NEO1: variants seen among roughly 807,000 people sequenced by gnomAD.
NEO1 encodes neogenin 1, also known as neogenin.
In NEO1, 63 loss-of-function variants were observed where a neutral mutation model predicts 159.7. The observed-to-expected ratio is 0.39, with a 90% CI of 0.32 to 0.49. The LOEUF (loss-of-function observed/expected upper bound fraction) is 0.49, where lower values mean the gene tolerates loss of function less well. Among genes scored for constraint, NEO1 ranks in the 20% least tolerant of loss-of-function variants. The pLI is 0.85. For synonymous variants in NEO1, 633 were observed against 662.0 expected (o/e 0.96, Z 0.67); for missense variants, 1,615 against 1,831.0 (o/e 0.88, Z 2.15).
rs140586064 is a variant in NEO1 at position 73,173,403 on chromosome 15, T to G, written c.1016-3000T>G. On this transcript the variant is annotated intron_variant, in intron 5 of 28. Coordinates refer to ENST00000261908, the MANE Select transcript of NEO1 (RefSeq NM_002499.4). ...GGCAGATGGATGAAACCAATTAGTG[T>G]CCTGAAATAAACCCCCAAGAGTACG... Among the ~76,000 whole-genome samples, 326 of 152,298 alleles carry G rather than the reference T, an allele frequency of 2.1e-3. 4 individuals carry two copies. The highest frequency in any genetic ancestry group is 7.4e-3 in the African/African-American group (309 of 41,572).
chr15:73,266,188 A>G, intron 15 of NEO1, 128 bp from the exon 16 acceptor site: 1 of 648,880 alleles, frequency 1.5e-6, no homozygotes, highest in South Asian at 2.3e-5. Context: ...ACCTGAAATA[A>G]TCCCCCATAA....
At chr15:73,126,305 A>G in intron 3 of NEO1, 112 bp from the exon 4 acceptor site, 1 of 920,474 alleles carries the variant, frequency 1.1e-6, no homozygotes, top group South Asian at 1.8e-5. Context: ...CCTGGGCTCA[A>G]GCAGTCCTCC....
intron 1 of NEO1, among the ~76,000 whole-genome samples, chr15:73,067,935 A>C (rs2068307180): frequency 6.6e-6 from 1 of 151,916 alleles, no homozygotes; most frequent in South Asian, 2.1e-4. Context: ...ATGATTTTCA[A>C]GCTTGTGTGG....
At chr15:73,165,185 A>T (rs550997300) in intron 5 of NEO1, among the ~76,000 whole-genome samples, 13 of 145,902 alleles carry the variant, frequency 8.9e-5, no homozygotes, top group Non-Finnish European at 1.9e-4. Flanking sequence ...GTGTGTGTGT[A>T]TATGTGATGT....
At chr15:73,166,585 G>T (rs896857192) in intron 5 of NEO1, among the ~76,000 whole-genome samples, 1 of 152,192 alleles carries the variant, frequency 6.6e-6, no homozygotes, top group Non-Finnish European at 1.5e-5. Flanking sequence ...GCAATACATG[G>T]AGGTTATACA....
chr15:73,052,089 G>C (rs967180914), upstream of NEO1: 1 of 150,800 alleles, frequency 6.6e-6, no homozygotes, highest in Non-Finnish European at 1.5e-5. Flanking sequence ...AGGAGGATCC[G>C]CTTCTCCGGG....
intron 5 of NEO1, among the ~76,000 whole-genome samples, chr15:73,152,604 G>A (rs902358989): frequency 6.6e-6 from 1 of 152,332 alleles, no homozygotes; most frequent in South Asian, 2.1e-4. Context: ...AACCCAGAGA[G>A]GGAGTCCTGG....
chr15:73,173,100 T>C (rs568538842), intron 5 of NEO1, among the ~76,000 whole-genome samples: 1 of 152,312 alleles, frequency 6.6e-6, no homozygotes, highest in South Asian at 2.1e-4. Context: ...AGTAACCTTG[T>C]TCTAAATAGA....
chr15:73,257,132 C>CAAAAAAAAAAAAAAAAAAAAAAAAAA (rs10623334), intron 13 of NEO1, among the ~76,000 whole-genome samples: 6 of 54,774 alleles, frequency 1.1e-4, no homozygotes, highest in African/African-American at 2.9e-4. Context: ...ACTCTGTCTC[C>CAAAAAAAAAAAAAAAAAAAAAAAAAA]AAAAAAAAAA....
intron 1 of NEO1, among the ~76,000 whole-genome samples, chr15:73,078,567 C>G (rs1324552733): frequency 2.0e-5 from 3 of 152,198 alleles, no homozygotes; most frequent in Non-Finnish European, 4.4e-5. Flanking sequence ...GTCTAACACA[C>G]AGTAAAGTGT....
chr15:73,098,954 A>G (rs2070245506), intron 1 of NEO1, among the ~76,000 whole-genome samples: 1 of 152,150 alleles, frequency 6.6e-6, no homozygotes, highest in South Asian at 2.1e-4. Context: ...ATTGTATCTC[A>G]CTGTAGTTTT....
intron 7 of NEO1, among the ~76,000 whole-genome samples, chr15:73,183,298 G>C (rs1319444202): frequency 6.6e-6 from 1 of 152,110 alleles, no homozygotes; most frequent in Admixed American, 6.5e-5. Flanking sequence ...TCAAACCAGT[G>C]GGGGAGGGGC....
At chr15:73,227,081 T>G (rs530073669) in intron 7 of NEO1, among the ~76,000 whole-genome samples, 9 of 152,334 alleles carry the variant, frequency 5.9e-5, no homozygotes, top group African/African-American at 2.2e-4. Context: ...TGTTACTAAG[T>G]GACACTTTAT....
intron 5 of NEO1, among the ~76,000 whole-genome samples, chr15:73,170,471 A>G (rs189367123): frequency 2.6e-4 from 39 of 152,358 alleles, no homozygotes; most frequent in African/African-American, 9.1e-4. Context: ...TCTCAGAGCA[A>G]TGACCATAAA....
chr15:73,138,133 A>G (rs1284223153), intron 5 of NEO1, among the ~76,000 whole-genome samples: 1 of 152,192 alleles, frequency 6.6e-6, no homozygotes, highest in African/African-American at 2.4e-5. Flanking sequence ...ATGTATAATT[A>G]TATATACAGT....
intron 1 of NEO1, among the ~76,000 whole-genome samples, chr15:73,108,843 T>C (rs924310504): frequency 6.6e-6 from 1 of 152,082 alleles, no homozygotes; most frequent in African/African-American, 2.4e-5. Flanking sequence ...GCAGAGGGGA[T>C]GGCACATGCG....
chr15:73,121,694 T>C (rs2071662448), intron 2 of NEO1, among the ~76,000 whole-genome samples: 2 of 152,172 alleles, frequency 1.3e-5, no homozygotes, highest in African/African-American at 4.8e-5. Flanking sequence ...GGCAAAGCTT[T>C]TCCTTTTCTT....
In NEO1 at chr15:73,260,401, C is replaced by T; in HGVS notation, c.2334C>T (p.Gly778=). The change falls in exon 15 of 29, where the codon GGC becomes GGT. Residue 778 remains glycine, a synonymous_variant. Coordinates refer to ENST00000261908, the MANE Select transcript of NEO1 (RefSeq NM_002499.4). ...GTTACGCCATTGGTTATGGCATTGG[C>T]AGCCCTCATGCCCAGACCATCAAAG... The part of the protein sequence containing the change: ...VRGYAIGYGI[G]SPHAQTIKVD... 1.2e-6 allele frequency: 2 copies of T among 1,614,008 alleles called. No homozygotes were observed. Among genetic ancestry groups the T allele is most frequent in the Non-Finnish European group, 1.7e-6 (2 of 1,179,950 alleles).
intron 1 of NEO1, among the ~76,000 whole-genome samples, chr15:73,081,972 C>T (rs1047131055): frequency 5.3e-5 from 8 of 151,766 alleles, no homozygotes; most frequent in Admixed American, 5.3e-4. Context: ...GCTCCGGGCC[C>T]AAGTGATTCT....
Sources: allele counts gnomAD v4.1 joint callset (sites outside exome capture counted in the v4.1 genomes callset), GRCh38; gene constraint gnomAD v4.1.1; transcripts MANE v1.5; gene names NCBI Gene and HGNC (gene_info 2026-07-23, HGNC 2026-07-21).